P2RY14: variants seen among roughly 807,000 people sequenced by gnomAD.
P2RY14 encodes the protein purinergic receptor P2Y14.
A neutral mutation model predicts 0.9 loss-of-function variants in P2RY14; 2 were observed. The observed-to-expected ratio is 2.16, with a 90% CI of 0.88 to 6.79. P2RY14 has a LOEUF of 6.79. Among genes scored for constraint, P2RY14 ranks in the 30% most tolerant of loss-of-function variants. P2RY14 has a pLI of 0.05. For missense variants in P2RY14, 378 were observed against 400.1 expected (o/e 0.94, Z 0.47); for synonymous variants, 158 against 147.2 (o/e 1.07, Z -0.53).
At chr3:151,220,637 G>A (rs1036724541) in intron 1 of P2RY14, among the ~76,000 whole-genome samples, 1 of 152,168 alleles carries the variant, frequency 6.6e-6, no homozygotes, top group Non-Finnish European at 1.5e-5. Flanking sequence ...TTAAAAACGA[G>A]AGTTGCCCTG....
At chr3:151,223,939 G>T (rs1729939740) in intron 1 of P2RY14, among the ~76,000 whole-genome samples, 1 of 152,216 alleles carries the variant, frequency 6.6e-6, no homozygotes, top group Non-Finnish European at 1.5e-5. Flanking sequence ...TAACTTACAA[G>T]TGGGAGCTTA....
chr3:151,228,030 G>T (rs930006215), intron 1 of P2RY14, among the ~76,000 whole-genome samples: 2 of 152,186 alleles, frequency 1.3e-5, no homozygotes, highest in Non-Finnish European at 2.9e-5. Flanking sequence ...TTTGATACAG[G>T]AAGAGAATTT....
chr3:151,259,615 A>G (rs529763875), intron 1 of P2RY14, among the ~76,000 whole-genome samples: 7 of 152,344 alleles, frequency 4.6e-5, no homozygotes, highest in Admixed American at 1.3e-4. Context: ...AGGTCTTCAT[A>G]AACATCTGAA....
intron 1 of P2RY14, among the ~76,000 whole-genome samples, chr3:151,235,542 A>G (rs1408280018): frequency 6.6e-6 from 1 of 152,042 alleles, no homozygotes; most frequent in Non-Finnish European, 1.5e-5. Flanking sequence ...CATCTCTACT[A>G]AAAATACAAA....
chr3:151,251,275 G>GTGTCTCTCTCAA (rs2149449969), intron 1 of P2RY14, among the ~76,000 whole-genome samples: 1 of 152,152 alleles, frequency 6.6e-6, no homozygotes, highest in East Asian at 1.9e-4. Flanking sequence ...CCTACTCAAT[G>GTGTCTCTCTCAA]TGTCTCTCTC....
At position 151,242,825 on chromosome 3, in the gene P2RY14, G is replaced by A. The variant is rs577295427; in HGVS notation, c.-132-23183C>T. Among the ~76,000 whole-genome samples the A allele has an allele frequency of 5.3e-3, 795 of 151,118 alleles. 11 individuals are homozygous for A. The highest frequency in any genetic ancestry group is 0.018 in the African/African-American group (726 of 41,190). On this transcript the variant is annotated intron_variant, in intron 1 of 2. Coordinates refer to ENST00000309170, the MANE Select transcript of P2RY14 (RefSeq NM_014879.4). ...AGACGATCAAATTACTCTGAGCTAC[G>A]GGAGGACATTCAAACCAAAGGCAAA...
intron 1 of P2RY14, among the ~76,000 whole-genome samples, chr3:151,262,820 C>T (rs1739148209): frequency 6.6e-6 from 1 of 152,114 alleles, no homozygotes; most frequent in African/African-American, 2.4e-5. Context: ...TATATTAACT[C>T]ATTAAAACCT....
chr3:151,246,475 CAACTCT>C (rs1296192995), intron 1 of P2RY14, among the ~76,000 whole-genome samples: 1 of 152,078 alleles, frequency 6.6e-6, no homozygotes, highest in African/African-American at 2.4e-5. Context: ...CGCATATCTA[CAACTCT>C]CTGATCTTTG....
At chr3:151,217,287 CAG>C (rs1376520087) in intron 2 of P2RY14, among the ~76,000 whole-genome samples, 1 of 152,128 alleles carries the variant, frequency 6.6e-6, no homozygotes, top group African/African-American at 2.4e-5. Flanking sequence ...ATTATTTTCT[CAG>C]AGTCTTGTGT....
intron 1 of P2RY14, among the ~76,000 whole-genome samples, chr3:151,250,218 C>G (rs918365880): frequency 6.6e-6 from 1 of 152,156 alleles, no homozygotes; most frequent in Non-Finnish European, 1.5e-5. Context: ...GCACATTCCT[C>G]AATCCAATTG....
intron 2 of P2RY14, among the ~76,000 whole-genome samples, chr3:151,216,455 AAAT>A (rs1728239804): frequency 6.6e-6 from 1 of 152,238 alleles, no homozygotes; most frequent in Admixed American, 6.5e-5. Flanking sequence ...TCCACATAAA[AAAT>A]AGTACATCCA....
intron 1 of P2RY14, among the ~76,000 whole-genome samples, chr3:151,233,956 A>C (rs1192521066): frequency 1.3e-5 from 2 of 152,254 alleles, no homozygotes; most frequent in Non-Finnish European, 2.9e-5. Context: ...GTAATCTTTT[A>C]GGACTTTAAA....
intron 1 of P2RY14, among the ~76,000 whole-genome samples, chr3:151,273,227 C>CTTTT (rs63035061): frequency 2.1e-4 from 22 of 106,150 alleles, no homozygotes; most frequent in East Asian, 2.7e-4. Context: ...TTGTTGTGTT[C>CTTTT]TTTTTTTTTT....
intron 1 of P2RY14, among the ~76,000 whole-genome samples, chr3:151,267,331 G>T (rs1192193350): frequency 6.6e-6 from 1 of 152,178 alleles, no homozygotes; most frequent in Non-Finnish European, 1.5e-5. Flanking sequence ...TACTTCATGA[G>T]AAAAGGAATT....
At chr3:151,271,017 CA>C (rs56917310) in intron 1 of P2RY14, among the ~76,000 whole-genome samples, 49,488 of 143,694 alleles carry the variant, frequency 0.34, 8,251 homozygotes, top group East Asian at 0.5. Context: ...ACCCAAAAAC[CA>C]AAAAAAAAAA....
At chr3:151,269,119 G>A (rs978682834) in intron 1 of P2RY14, among the ~76,000 whole-genome samples, 1 of 152,124 alleles carries the variant, frequency 6.6e-6, no homozygotes, top group African/African-American at 2.4e-5. Flanking sequence ...ACGTACAAAA[G>A]GAAATACAGG....
intron 2 of P2RY14, among the ~76,000 whole-genome samples, chr3:151,215,335 A>C (rs1284829982): frequency 2.0e-5 from 3 of 152,216 alleles, no homozygotes; most frequent in African/African-American, 7.2e-5. Context: ...TATAAAATGC[A>C]CACTAGACTT....
chr3:151,228,215 T>C (rs1202072955), intron 1 of P2RY14, among the ~76,000 whole-genome samples: 1 of 152,178 alleles, frequency 6.6e-6, no homozygotes, highest in Non-Finnish European at 1.5e-5. Context: ...TGGGATACAG[T>C]GGGCCTTGGC....
At chr3:151,268,724 G>A (rs963427760) in intron 1 of P2RY14, among the ~76,000 whole-genome samples, 1 of 152,150 alleles carries the variant, frequency 6.6e-6, no homozygotes, top group Non-Finnish European at 1.5e-5. Context: ...AAGTGAGTCA[G>A]CAGTGTTTAC....
Sources: gnomAD v4.1 joint callset for allele counts (sites outside exome capture counted in the v4.1 genomes callset) on GRCh38, gnomAD v4.1.1 for gene constraint, MANE v1.5 for transcripts, NCBI Gene and HGNC (gene_info 2026-07-23, HGNC 2026-07-21) for gene names.